Variants in TMEM71 observed in about 807,000 individuals in gnomAD.
TMEM71 encodes transmembrane protein 71.
Under a neutral mutation model 38.0 loss-of-function variants are expected in TMEM71, and 44 were observed. The observed-to-expected ratio is 1.16, with a 90% CI of 0.91 to 1.49. The LOEUF (loss-of-function observed/expected upper bound fraction) is 1.49, where lower values mean the gene tolerates loss of function less well. Ranked by LOEUF, TMEM71 falls within the 40% of genes most tolerant of loss-of-function variation. TMEM71 has a pLI of 0.00. For missense variants in TMEM71, 367 were observed against 348.6 expected (o/e 1.05, Z -0.42); for synonymous variants, 133 against 122.5 (o/e 1.09, Z -0.56).
chr8:132,757,160 T>G (rs1225266423), intron 3 of TMEM71, 74 bp downstream of exon 3: 1 of 1,077,990 alleles, frequency 9.3e-7, no homozygotes, highest in Non-Finnish European at 1.4e-6. Context: ...CCTCCCAAAG[T>G]GCTGGGATTA....
intron 5 of TMEM71, among the ~76,000 whole-genome samples, chr8:132,743,841 G>A (rs1035848002): frequency 2.0e-5 from 3 of 152,062 alleles, no homozygotes; most frequent in Non-Finnish European, 2.9e-5. Context: ...CACCAAGCAC[G>A]TCTACTCACT....
intron 4 of TMEM71, among the ~76,000 whole-genome samples, chr8:132,747,493 C>G (rs2131159849): frequency 6.6e-6 from 1 of 152,276 alleles, no homozygotes; most frequent in African/African-American, 2.4e-5. Flanking sequence ...TTTTTCTGAT[C>G]AGGAAACTTA....
intron 7 of TMEM71, among the ~76,000 whole-genome samples, chr8:132,716,174 C>T (rs1826519416): frequency 1.3e-5 from 2 of 152,232 alleles, no homozygotes; most frequent in South Asian, 4.1e-4. Flanking sequence ...CCTGTGCCTG[C>T]AGGCTTGGAA....
At chr8:132,766,842 C>T in the TMEM71 span, among the ~76,000 whole-genome samples, 10 of 151,090 alleles carry the variant, frequency 6.6e-5, no homozygotes, top group African/African-American at 9.7e-5. Context: ...CCAGAGAACA[C>T]GCCAAAATCT....
intron 6 of TMEM71, among the ~76,000 whole-genome samples, chr8:132,726,329 A>G (rs1156412712): frequency 2.6e-5 from 4 of 152,120 alleles, no homozygotes; most frequent in Non-Finnish European, 5.9e-5. Context: ...TACAAAGCAT[A>G]TTGATCTTCA....
intron 5 of TMEM71, among the ~76,000 whole-genome samples, chr8:132,728,333 A>G (rs916355525): frequency 3.3e-5 from 5 of 152,284 alleles, no homozygotes; most frequent in African/African-American, 9.6e-5. Context: ...AGTGGCAGGT[A>G]AAGAGAGAAT....
upstream of TMEM71, among the ~76,000 whole-genome samples, chr8:132,760,990 A>G (rs1051332778): frequency 1.3e-5 from 2 of 152,236 alleles, no homozygotes; most frequent in African/African-American, 4.8e-5. Context: ...TAAATTCAGA[A>G]TACTATTAAA....
At chr8:132,772,717 T>A in the TMEM71 span, among the ~76,000 whole-genome samples, 40,117 of 152,096 alleles carry the variant, frequency 0.26, 6,499 homozygotes, top group South Asian at 0.45. Context: ...ATATAAAAAA[T>A]TTATGAAAAT....
intron 7 of TMEM71, among the ~76,000 whole-genome samples, chr8:132,716,738 T>C (rs1258616170): frequency 6.6e-6 from 1 of 152,206 alleles, no homozygotes; most frequent in Non-Finnish European, 1.5e-5. Context: ...ACTTTATAGT[T>C]ATGAATAATT....
chr8:132,739,746 G>A (rs185150350), intron 5 of TMEM71, among the ~76,000 whole-genome samples: 1 of 152,276 alleles, frequency 6.6e-6, no homozygotes, highest in East Asian at 1.9e-4. Flanking sequence ...ACAAGATAAT[G>A]TATGTAAACA....
chr8:132,769,576 C>T, the TMEM71 span, among the ~76,000 whole-genome samples: 3 of 152,238 alleles, frequency 2.0e-5, no homozygotes, highest in South Asian at 2.1e-4. Context: ...TGGGGCCTTT[C>T]GTAAGTAACT....
the TMEM71 span, among the ~76,000 whole-genome samples, chr8:132,768,198 T>A: frequency 0.051 from 7,782 of 152,276 alleles, 669 homozygotes; most frequent in African/African-American, 0.18. Context: ...AGATTTTGGA[T>A]GCTTTGTCCT....
rs975995287 is a variant in TMEM71, at chr8:132,715,409, C to CAAAAAAAAAAAAAAAA, written c.753-1210_753-1195dup. Among the ~76,000 whole-genome samples the CAAAAAAAAAAAAAAAA allele has an allele frequency of 1.9e-3, 41 of 21,566 alleles. 1 individual carries two copies. The highest frequency in any genetic ancestry group is 2.9e-3 in the Non-Finnish European group (27 of 9,196). The allele number at this position is 21,566 out of a possible 152,430, so 14.1% of individuals were successfully genotyped here. ...TGGGCGACAGAGCAAGACTCCGTCT[C>CAAAAAAAAAAAAAAAA]AAAAAAAAAAAAAAAAAAAAAAAAA... On this transcript the variant is annotated intron_variant, in intron 7 of 9. Coordinates refer to ENST00000677595, the MANE Select transcript of TMEM71 (RefSeq NM_001382403.1).
At chr8:132,721,826 G>A (rs7821285) in intron 7 of TMEM71, among the ~76,000 whole-genome samples, 14,110 of 152,070 alleles carry the variant, frequency 0.093, 845 homozygotes, top group Middle Eastern at 0.15. Context: ...ATGAGCCACC[G>A]TGCCTGGCCC....
At chr8:132,756,333 T>A (rs1009063476) in intron 3 of TMEM71, among the ~76,000 whole-genome samples, 9 of 148,588 alleles carry the variant, frequency 6.1e-5, no homozygotes, top group South Asian at 2.1e-4. Flanking sequence ...AAAGTAACAA[T>A]TCATCAGTAT....
At chr8:132,719,671 A>C (rs1826733222) in intron 7 of TMEM71, among the ~76,000 whole-genome samples, 1 of 152,200 alleles carries the variant, frequency 6.6e-6, no homozygotes, top group African/African-American at 2.4e-5. Context: ...AGTTTTAGTC[A>C]ATTTTTAATT....
At chr8:132,758,945 T>G in intron 1 of TMEM71, 30 bp from the exon 2 acceptor site, 1 of 1,428,752 alleles carries the variant, frequency 7.0e-7, no homozygotes, top group Non-Finnish European at 9.8e-7. Context: ...AAAGGTGGAC[T>G]ATATATTAAA....
chr8:132,758,142 G>A (rs185271338), intron 2 of TMEM71: 3 of 152,284 alleles, frequency 2.0e-5, no homozygotes. Context: ...AAGACTGTGA[G>A]TATTCTTAAT....
At chr8:132,758,506 CA>C (rs1419693632) in intron 2 of TMEM71, 2 of 223,424 alleles carry the variant, frequency 9.0e-6, no homozygotes, top group Non-Finnish European at 1.8e-5. Context: ...TTATTTTCTG[CA>C]AGTAGCTATC....
Sources: allele counts gnomAD v4.1 joint callset (sites outside exome capture counted in the v4.1 genomes callset), GRCh38; gene constraint gnomAD v4.1.1; transcripts MANE v1.5; gene names NCBI Gene and HGNC (gene_info 2026-07-23, HGNC 2026-07-21).